The following RFX4 variants were observed in gnomAD, a reference collection of about 807,000 sequenced individuals.
The protein encoded by RFX4 is regulatory factor X4, also known as transcription factor RFX4.
A neutral mutation model predicts 95.0 loss-of-function variants in RFX4; 10 were observed. The observed-to-expected ratio is 0.11, with a 90% CI of 0.06 to 0.18. The LOEUF (loss-of-function observed/expected upper bound fraction) is 0.18. RFX4 is among the 10% of genes least tolerant of loss of function. The pLI is 1.00. For synonymous variants in RFX4, 321 were observed against 340.7 expected, an observed-to-expected ratio of 0.94 and a Z score of 0.64; for missense variants, 640 against 922.0, an observed-to-expected ratio of 0.69 and a Z score of 3.96.
intron 2 of RFX4, among the ~76,000 whole-genome samples, chr12:106,614,168 T>C (rs1000856991): frequency 1.4e-5 from 2 of 146,072 alleles, no homozygotes; most frequent in Non-Finnish European, 1.5e-5. Flanking sequence ...TCTTCATGTC[T>C]TTTTTTTTTT....
chr12:106,610,465 C>T (rs2039938272), intron 2 of RFX4, among the ~76,000 whole-genome samples: 1 of 152,174 alleles, frequency 6.6e-6, no homozygotes, highest in Non-Finnish European at 1.5e-5. Flanking sequence ...AGTAACTCCT[C>T]ATTCTCCTTT....
At chr12:106,659,713 T>G (rs993396754) in intron 4 of RFX4, among the ~76,000 whole-genome samples, 1 of 152,158 alleles carries the variant, frequency 6.6e-6, no homozygotes, top group East Asian at 1.9e-4. Flanking sequence ...GCAAACTGAG[T>G]CCCAGAGAAG....
chr12:106,712,902 CTG>C (rs1054685938), intron 10 of RFX4, among the ~76,000 whole-genome samples: 1 of 152,136 alleles, frequency 6.6e-6, no homozygotes, highest in Non-Finnish European at 1.5e-5. Flanking sequence ...GTGCCTCCCT[CTG>C]GGGATCAGAC....
At chr12:106,745,153 C>A (rs2042868900) in intron 15 of RFX4, among the ~76,000 whole-genome samples, 1 of 152,094 alleles carries the variant, frequency 6.6e-6, no homozygotes, top group Non-Finnish European at 1.5e-5. Flanking sequence ...GCTTTTCTTT[C>A]TTCTTTCATT....
chr12:106,643,526 A>C (rs1462422064), intron 3 of RFX4, among the ~76,000 whole-genome samples: 2 of 152,260 alleles, frequency 1.3e-5, no homozygotes, highest in Admixed American at 1.3e-4. Context: ...CTTTTAAAAA[A>C]TATGGTTTCA....
chr12:106,721,522 C>T (rs964943854), intron 13 of RFX4, among the ~76,000 whole-genome samples: 2 of 152,074 alleles, frequency 1.3e-5, no homozygotes, highest in African/African-American at 2.4e-5. Flanking sequence ...ATTACTGAAT[C>T]GGGGTGAATG....
Position 106,696,266 on chromosome 12 carries a change from T to C in RFX4, c.670-17T>C, listed in dbSNP as rs1292915689. The C allele has an allele frequency of 6.2e-7, 1 of 1,613,878 alleles. No homozygotes were observed. The highest frequency in any genetic ancestry group is 1.3e-5 in the African/African-American group (1 of 74,926). On this transcript the variant is annotated splice_polypyrimidine_tract_variant and intron_variant, in intron 7 of 17. Transcript: ENST00000392842. ...CCTGGGTAACCTCATGATTCTTCTC[T>C]CTGTGGGTCAATACAGGTTCAAAGT...
intron 8 of RFX4, among the ~76,000 whole-genome samples, chr12:106,701,905 A>G (rs2041999180): frequency 6.6e-6 from 1 of 152,076 alleles, no homozygotes; most frequent in Non-Finnish European, 1.5e-5. Context: ...TAGTCTAGCC[A>G]CTCAAGATGC....
intron 1 of RFX4, among the ~76,000 whole-genome samples, chr12:106,596,567 T>C (rs2039623027): frequency 2.0e-5 from 3 of 152,236 alleles, no homozygotes; most frequent in African/African-American, 7.2e-5. Flanking sequence ...GGAAGGATCA[T>C]TCATTCCCAT....
chr12:106,631,856 T>G (rs916119422), intron 2 of RFX4, among the ~76,000 whole-genome samples: 1 of 151,984 alleles, frequency 6.6e-6, no homozygotes, highest in Non-Finnish European at 1.5e-5. Flanking sequence ...CAGCACAGAG[T>G]GAATAACCCT....
At chr12:106,635,756 C>A (rs1274283258) in intron 2 of RFX4, among the ~76,000 whole-genome samples, 1 of 152,208 alleles carries the variant, frequency 6.6e-6, no homozygotes, top group African/African-American at 2.4e-5. Flanking sequence ...AAAACATTAA[C>A]ACTACCTTCA....
At chr12:106,656,996 A>G (rs867649398) in intron 4 of RFX4, among the ~76,000 whole-genome samples, 3 of 152,236 alleles carry the variant, frequency 2.0e-5, no homozygotes, top group African/African-American at 7.2e-5. Context: ...TCAGTTTCAA[A>G]TGGACTGGGC....
At chr12:106,748,244 G>C (rs1013341839) in intron 16 of RFX4, among the ~76,000 whole-genome samples, 1 of 152,100 alleles carries the variant, frequency 6.6e-6, no homozygotes, top group Non-Finnish European at 1.5e-5. Flanking sequence ...CTCCTTTAAC[G>C]CCTCAGCTGA....
intron 8 of RFX4, among the ~76,000 whole-genome samples, chr12:106,705,986 AAACT>A (rs2042077204): frequency 6.6e-6 from 1 of 152,262 alleles, no homozygotes. Flanking sequence ...ACGTAACAAC[AAACT>A]GTCACAACTA....
intron 4 of RFX4, among the ~76,000 whole-genome samples, chr12:106,663,230 G>C (rs2041110456): frequency 6.6e-6 from 1 of 151,948 alleles, no homozygotes; most frequent in African/African-American, 2.4e-5. Context: ...CTTTGATTTA[G>C]TTCATCAGAA....
intron 8 of RFX4, among the ~76,000 whole-genome samples, chr12:106,704,155 T>G (rs2042041606): frequency 6.6e-6 from 1 of 151,624 alleles, no homozygotes; most frequent in Non-Finnish European, 1.5e-5. Flanking sequence ...CGAATATTCA[T>G]TCAAGAAAAC....
chr12:106,601,756 G>A (rs1007835600), intron 1 of RFX4, among the ~76,000 whole-genome samples: 4 of 152,146 alleles, frequency 2.6e-5, no homozygotes, highest in Non-Finnish European at 5.9e-5. Context: ...TGCTCCTAAC[G>A]GACTCTTCCA....
intron 8 of RFX4, among the ~76,000 whole-genome samples, chr12:106,705,711 T>G (rs1362531813): frequency 6.6e-6 from 1 of 151,698 alleles, no homozygotes; most frequent in Non-Finnish European, 1.5e-5. Flanking sequence ...TGGAGTAAGC[T>G]GAGGGGACAG....
At chr12:106,705,021 G>C (rs1173807977) in intron 8 of RFX4, among the ~76,000 whole-genome samples, 1 of 152,136 alleles carries the variant, frequency 6.6e-6, no homozygotes, top group Non-Finnish European at 1.5e-5. Flanking sequence ...AAGTGGAGTA[G>C]GACAGCGGTT....
Sources: gnomAD v4.1 joint callset for allele counts (sites outside exome capture counted in the v4.1 genomes callset) on GRCh38, gnomAD v4.1.1 for gene constraint, MANE v1.5 for transcripts, NCBI Gene and HGNC (gene_info 2026-07-23, HGNC 2026-07-21) for gene names.